Variants in CACNA1A observed in about 807,000 individuals in gnomAD.
CACNA1A encodes voltage-dependent P/Q-type calcium channel subunit alpha-1A.
CACNA1A carries 57 observed loss-of-function variants against 262.4 expected under a neutral mutation model. The observed-to-expected ratio is 0.22, with a 90% CI of 0.18 to 0.27. CACNA1A has a LOEUF of 0.27. Among genes scored for constraint, CACNA1A ranks in the 10% least tolerant of loss-of-function variants. The pLI is 1.00. For missense variants in CACNA1A, 2,526 were observed against 3,562.8 expected, an observed-to-expected ratio of 0.71 and a Z score of 7.41; for synonymous variants, 1,431 against 1,419.3, an observed-to-expected ratio of 1.01 and a Z score of -0.18.
Position 13,452,804 on chromosome 19 carries a change from G to A in CACNA1A, c.539+72C>T, listed in dbSNP as rs1041523518. The stretch of plus-strand genomic sequence containing the variant: ...GGCTCAGCCTTCCTGAGCCTGGCCC[G>A]GACCACACCAACCAAAAGCCTCGTA... On this transcript the variant is annotated intron_variant, in intron 3 of 46. Coordinates refer to ENST00000360228, the MANE Select transcript of CACNA1A (RefSeq NM_001127222.2). 65 of 1,477,384 alleles carry A rather than the reference G, an allele frequency of 4.4e-5. 2 individuals carry two copies. In the East Asian group the frequency reaches 4.6e-4, roughly 10 times the overall value. The allele number at this position is 1,477,384 out of a possible 1,614,324, so 91.5% of individuals were successfully genotyped here.
At chr19:13,393,568 C>T (rs1343166863) in intron 3 of CACNA1A, among the ~76,000 whole-genome samples, 1 of 138,656 alleles carries the variant, frequency 7.2e-6, no homozygotes, top group Non-Finnish European at 1.6e-5. Flanking sequence ...TCCCTCCCCC[C>T]CTTCTTCTTC....
intron 1 of CACNA1A, among the ~76,000 whole-genome samples, chr19:13,457,979 G>A (rs771511986): frequency 2.0e-5 from 3 of 151,950 alleles, no homozygotes; most frequent in Non-Finnish European, 4.4e-5. Flanking sequence ...CCATGTATAT[G>A]AAATATCCCG....
At chr19:13,341,243 A>C (rs1040460484) in intron 6 of CACNA1A, among the ~76,000 whole-genome samples, 2 of 152,076 alleles carry the variant, frequency 1.3e-5, no homozygotes. Context: ...AAACCACCAG[A>C]AGCTAGGAGG....
chr19:13,275,829 A>G (rs1311323874), intron 24 of CACNA1A, 21 bp downstream of exon 24: 1 of 1,501,630 alleles, frequency 6.7e-7, no homozygotes, highest in East Asian at 2.3e-5. Flanking sequence ...AGGCAAGAGG[A>G]ACCCTTGCGA....
chr19:13,475,160 T>C (rs1269729101), intron 1 of CACNA1A, among the ~76,000 whole-genome samples: 3 of 152,176 alleles, frequency 2.0e-5, no homozygotes, highest in Non-Finnish European at 4.4e-5. Context: ...TACATCAACA[T>C]AATCTTCCTG....
In CACNA1A at chr19:13,257,420, G is replaced by A; in HGVS notation, c.4520C>T (p.Ala1507Val). 1 of 1,613,894 alleles carries A rather than the reference G, an allele frequency of 6.2e-7. No individual in the cohort carries two copies. The highest frequency in any genetic ancestry group is 8.5e-7 in the Non-Finnish European group (1 of 1,179,846). ...CTCCTGGAAGGTGATGATGATCAAG[G>A]CCACAAAGATATTGACAAAGAAGAA... The part of the protein sequence containing the change: ...FPFFFVNIFV[A>V]LIIITFQEQG... The change falls in exon 28 of 47, where the codon GCC becomes GTC. Residue 1507 changes from alanine to valine, a missense_variant. Physicochemically the swap from Ala to Val is moderately conservative, Grantham distance 64. Transcript: ENST00000360228.
chr19:13,260,002 C>T (rs2056686998), intron 26 of CACNA1A: 1 of 283,618 alleles, frequency 3.5e-6, no homozygotes, highest in African/African-American at 2.2e-5. Flanking sequence ...GTGAGAGCCT[C>T]AGGCTTGCTG....
rs1171910645 is a variant in CACNA1A, at chr19:13,207,443, G to A, written c.7391C>T (p.Ser2464Leu). ...GAGTCGCCGGCCGTGCCGAGAAGGC[G>A]AGGCGCAGGCCGGGCCCGAGGCCCG... ...TPRASGPACASPSRHGRRLPN... is the reference protein window; with the variant it reads ...TPRASGPACALPSRHGRRLPN... The change falls in exon 47 of 47, where the codon TCG becomes TTG. Residue 2464 changes from serine to leucine, a missense_variant. Around this residue, in one of 17 missense-constraint regions of CACNA1A, gnomAD observed 929 missense variants for 868.1 expected, o/e 1.07. Coordinates refer to ENST00000360228, the MANE Select transcript of CACNA1A (RefSeq NM_001127222.2). This position sits in a 1 kb window ranked among gnomAD's most constrained non-coding sequence, Gnocchi z 5.7. 5 of 1,516,050 alleles carry A rather than the reference G, an allele frequency of 3.3e-6. No homozygotes were observed. Among genetic ancestry groups the A allele is most frequent in the Non-Finnish European group, 3.5e-6 (4 of 1,135,538 alleles). The allele number at this position is 1,516,050 out of a possible 1,614,324, so 93.9% of individuals were successfully genotyped here.
chr19:13,250,752 A>G (rs1468251507), intron 30 of CACNA1A, among the ~76,000 whole-genome samples: 1 of 152,170 alleles, frequency 6.6e-6, no homozygotes, highest in Non-Finnish European at 1.5e-5. Context: ...AGTGCTGGCT[A>G]TTTTATTTTA....
chr19:13,469,005 T>C (rs533698738), intron 1 of CACNA1A, among the ~76,000 whole-genome samples: 1 of 151,820 alleles, frequency 6.6e-6, no homozygotes, highest in Non-Finnish European at 1.5e-5. Flanking sequence ...CCAACTCAGA[T>C]AAGGTGGAAA....
chr19:13,438,855 C>T (rs116189679), intron 3 of CACNA1A, among the ~76,000 whole-genome samples: 121 of 152,134 alleles, frequency 8.0e-4, no homozygotes, highest in African/African-American at 2.9e-3. Context: ...AATAAAATAT[C>T]CTGATTTTAT....
chr19:13,269,069 T>C (rs2056948014), intron 24 of CACNA1A, among the ~76,000 whole-genome samples: 1 of 152,146 alleles, frequency 6.6e-6, no homozygotes, highest in Non-Finnish European at 1.5e-5. Context: ...CAATCATAGC[T>C]TACCGCAGCC....
chr19:13,344,929 G>T (rs2058738672), intron 6 of CACNA1A, among the ~76,000 whole-genome samples: 1 of 149,224 alleles, frequency 6.7e-6, no homozygotes, highest in Non-Finnish European at 1.5e-5. Context: ...TAATTTTTTT[G>T]TATTTTTTTA....
chr19:13,376,730 T>C (rs1490519753), intron 3 of CACNA1A, among the ~76,000 whole-genome samples: 1 of 148,124 alleles, frequency 6.8e-6, no homozygotes, highest in African/African-American at 2.5e-5. Context: ...ATATATGTTA[T>C]ATATGATATA....
At chr19:13,395,200 G>A (rs1337678282) in intron 3 of CACNA1A, among the ~76,000 whole-genome samples, 1 of 148,594 alleles carries the variant, frequency 6.7e-6, no homozygotes, top group Non-Finnish European at 1.5e-5. Flanking sequence ...CTTGAACCCA[G>A]GAGGCAGAGG....
chr19:13,207,345 G>T lies in CACNA1A; in HGVS notation c.7489C>A (p.Pro2497Thr). ...CAATCATCGTCACTCTCGCTGTAGGGTTCGTGCAGGCCCTTCCTGGAGCCC... is the reference window on the plus strand; with the variant it reads ...CAATCATCGTCACTCTCGCTGTAGGTTTCGTGCAGGCCCTTCCTGGAGCCC... ...GPGSRKGLHE[P>T]YSESDDDWC The change falls in exon 47 of 47, where the codon CCC (proline) becomes ACC (threonine). Residue 2497 changes from proline (P) to threonine (T), a missense_variant. This residue lies in a region of CACNA1A where 929 missense variants were observed against 868.1 expected (regional missense o/e 1.07). Coordinates refer to ENST00000360228, the MANE Select transcript of CACNA1A (RefSeq NM_001127222.2). This position sits in a 1 kb window ranked among gnomAD's most constrained non-coding sequence, Gnocchi z 5.7. The T allele has an allele frequency of 6.4e-7, 1 of 1,560,436 alleles. No homozygotes were observed. Among genetic ancestry groups the T allele is most frequent in the Non-Finnish European group, 8.6e-7 (1 of 1,160,470 alleles).
chr19:13,254,931 G>A (rs1186931388), intron 29 of CACNA1A, among the ~76,000 whole-genome samples, 164 bp downstream of exon 29: 1 of 152,094 alleles, frequency 6.6e-6, no homozygotes, highest in Non-Finnish European at 1.5e-5. Flanking sequence ...CCGGGGGAGT[G>A]GTGGGAACAG....
intron 35 of CACNA1A, among the ~76,000 whole-genome samples, chr19:13,230,897 G>A (rs1281507186): frequency 6.6e-6 from 1 of 151,918 alleles, no homozygotes; most frequent in East Asian, 1.9e-4. Context: ...TTCTGAAACA[G>A]GGACCAACAC....
At chr19:13,489,874 C>G (rs1425934931) in intron 1 of CACNA1A, among the ~76,000 whole-genome samples, 2 of 152,198 alleles carry the variant, frequency 1.3e-5, no homozygotes, top group Non-Finnish European at 2.9e-5. Flanking sequence ...TCAGTTGTAT[C>G]TCCTGTCACC....
Sources: allele counts gnomAD v4.1 joint callset (sites outside exome capture counted in the v4.1 genomes callset), GRCh38; gene constraint gnomAD v4.1.1; regional missense constraint gnomAD v4.1.1; non-coding constraint Gnocchi (gnomAD v3.1); transcripts MANE v1.5; gene names NCBI Gene and HGNC (gene_info 2026-07-23, HGNC 2026-07-21).